RUNX3: variants seen among roughly 807,000 people sequenced by gnomAD.
The protein encoded by RUNX3 is RUNX family transcription factor 3.
RUNX3 carries 10 observed loss-of-function variants against 27.7 expected under a neutral mutation model. The observed-to-expected ratio is 0.36, with a 90% CI of 0.22 to 0.61. RUNX3 has a LOEUF of 0.61. RUNX3 is among the 20% of genes least tolerant of loss of function. The pLI, the probability that RUNX3 is intolerant of heterozygous loss-of-function variation, is 0.72. For synonymous variants in RUNX3, 270 were observed against 269.2 expected (o/e 1.00, Z -0.03); for missense variants, 469 against 629.5 (o/e 0.75, Z 2.73).
intron 2 of RUNX3, among the ~76,000 whole-genome samples, chr1:24,945,946 A>T (rs1218557862): frequency 6.6e-6 from 1 of 151,976 alleles, no homozygotes; most frequent in African/African-American, 2.4e-5. Context: ...ACGTTCCCTG[A>T]CTGTGACCTC....
At chr1:24,903,895 C>T (rs570375218) in intron 4 of RUNX3, among the ~76,000 whole-genome samples, 18 of 152,310 alleles carry the variant, frequency 1.2e-4, no homozygotes, top group East Asian at 3.9e-4. Flanking sequence ...AAACATGAGA[C>T]GATAACAGTT....
In RUNX3 at chr1:24,930,248, C is replaced by A; in HGVS notation, c.-380G>T. On this transcript the variant is annotated 5_prime_UTR_variant, in exon 1 of 5. Transcript: ENST00000308873. This position sits in a 1 kb window ranked among gnomAD's most constrained non-coding sequence, Gnocchi z 4.1. ...CCGCCCCGACTCCGCGGCCGCAGCC[C>A]CAGAACAAATCCTCCAGAATCAAGT... 1 of 983,468 alleles carries A rather than the reference C, an allele frequency of 1.0e-6. No individual in the cohort carries two copies. Among genetic ancestry groups the A allele is most frequent in the Non-Finnish European group, 1.2e-6 (1 of 829,060 alleles). 60.9% of individuals were successfully genotyped at this position (983,468 alleles called of 1,614,324 possible).
intron 2 of RUNX3, among the ~76,000 whole-genome samples, chr1:24,949,758 C>T (rs1424808904): frequency 6.6e-6 from 1 of 152,272 alleles, no homozygotes; most frequent in Admixed American, 6.5e-5. Context: ...CCCACCACCT[C>T]TGGCCTGCCA....
intron 1 of RUNX3, chr1:24,929,377 C>T (rs1641165822): frequency 1.4e-6 from 1 of 704,224 alleles, no homozygotes; most frequent in South Asian, 1.5e-5. Context: ...GCGGGGCAAC[C>T]CCGTTAAAAG....
At chr1:24,947,054 C>G (rs912344385) in intron 2 of RUNX3, among the ~76,000 whole-genome samples, 3 of 152,050 alleles carry the variant, frequency 2.0e-5, no homozygotes, top group Non-Finnish European at 4.4e-5. Context: ...ATAATTAACC[C>G]ACGGAGCTCA....
chr1:24,911,799 C>T (rs1025758600), intron 3 of RUNX3, among the ~76,000 whole-genome samples: 7 of 152,292 alleles, frequency 4.6e-5, no homozygotes, highest in African/African-American at 4.8e-5. Context: ...ACCATGAGAC[C>T]GACGCTGAGC....
chr1:24,935,045 C>T (rs1034311883), upstream of RUNX3, among the ~76,000 whole-genome samples: 1 of 152,188 alleles, frequency 6.6e-6, no homozygotes, highest in Non-Finnish European at 1.5e-5. Context: ...CCCCAGTTTA[C>T]AGATGGGAAC....
intron 3 of RUNX3, among the ~76,000 whole-genome samples, chr1:24,912,284 C>T (rs938270963): frequency 1.3e-5 from 2 of 152,160 alleles, no homozygotes; most frequent in South Asian, 2.1e-4. Context: ...AAAGATCAGC[C>T]GCTGGTCAGA....
intron 2 of RUNX3, among the ~76,000 whole-genome samples, chr1:24,939,038 T>C (rs1641413671): frequency 6.6e-6 from 1 of 152,168 alleles, no homozygotes; most frequent in African/African-American, 2.4e-5. Context: ...CCAATCGCAT[T>C]TGGGCTGTGT....
In RUNX3 at chr1:24,901,617, T is replaced by C. The variant is rs55825240; in HGVS notation, c.*505A>G. On this transcript the variant is annotated 3_prime_UTR_variant, in exon 5 of 5. Transcript: ENST00000308873. ...CGAGGGTGGTGGGGGTGGGGGACAC[T>C]TTCCAGTTCTGACTCAAATCTGTGT... The C allele has an allele frequency of 6.5e-6, 1 of 155,000 alleles. No homozygotes were observed. Among genetic ancestry groups the C allele is most frequent in the African/African-American group, 2.4e-5 (1 of 41,344 alleles). 9.6% of individuals were successfully genotyped at this position (155,000 alleles called of 1,614,324 possible). A position where few individuals can be genotyped will look rare whatever the true frequency, so the allele number is the denominator to read the frequency against.
chr1:24,900,406 C>T lies in RUNX3; in HGVS notation c.*1716G>A, dbSNP rs1640514259. ...CATTTTGTAGGGCAGATTTCTGCATCCACAGAGGCCGAGGCAGAAAGTTAA... is the reference window on the plus strand; with the variant it reads ...CATTTTGTAGGGCAGATTTCTGCATTCACAGAGGCCGAGGCAGAAAGTTAA... On this transcript the variant is annotated 3_prime_UTR_variant, in exon 5 of 5. Transcript: ENST00000308873. The T allele has an allele frequency of 6.6e-6, 1 of 152,382 alleles. No homozygotes were observed. Among genetic ancestry groups the T allele is most frequent in the African/African-American group, 2.4e-5 (1 of 41,452 alleles). 9.4% of individuals were successfully genotyped at this position (152,382 alleles called of 1,614,324 possible).
Position 24,902,038 on chromosome 1 carries a change from G to T in RUNX3, c.*84C>A. The stretch of plus-strand genomic sequence containing the variant: ...ACCCTGGAGCGCAGGTCCCATTCCC[G>T]CCCGGAGCCTCGGAGCCGGCCCATC... On this transcript the variant is annotated 3_prime_UTR_variant, in exon 5 of 5. Transcript: ENST00000308873. This position sits in a 1 kb window ranked among gnomAD's most constrained non-coding sequence, Gnocchi z 9.2. 1 of 1,322,958 alleles carries T rather than the reference G, an allele frequency of 7.6e-7. No individual in the cohort carries two copies. The allele number at this position is 1,322,958 out of a possible 1,614,324, so 82.0% of individuals were successfully genotyped here.
At position 24,962,544 on chromosome 1, in the gene RUNX3, C is replaced by G. The variant is rs567363831; in HGVS notation, c.58+1970G>C. On this transcript the variant is annotated intron_variant, in intron 2 of 6. Coordinates refer to the RUNX3 transcript ENST00000338888. This position sits in a 1 kb window ranked among gnomAD's most constrained non-coding sequence, Gnocchi z 4.5. ...GGGAGACAGGCCCCCATGGCGAGCA[C>G]GTCGTGAGCAGAAATGAACAGGAGA... Among the ~76,000 whole-genome samples, 1 of 152,158 alleles carries G rather than the reference C, an allele frequency of 6.6e-6. No individual in the cohort carries two copies. Among genetic ancestry groups the G allele is most frequent in the Non-Finnish European group, 1.5e-5 (1 of 68,024 alleles).
At chr1:24,960,887 T>G (rs1056093237) in intron 2 of RUNX3, among the ~76,000 whole-genome samples, 1 of 152,158 alleles carries the variant, frequency 6.6e-6, no homozygotes, top group Non-Finnish European at 1.5e-5. Flanking sequence ...CTTCCCCATT[T>G]GTCACACAGG....
intron 2 of RUNX3, among the ~76,000 whole-genome samples, chr1:24,951,707 TA>T (rs2124364124): frequency 6.6e-6 from 1 of 152,328 alleles, no homozygotes; most frequent in African/African-American, 2.4e-5. Flanking sequence ...AAACGTCCAT[TA>T]ATTCATAGCT....
At chr1:24,956,269 C>T (rs899658070) in intron 2 of RUNX3, among the ~76,000 whole-genome samples, 1 of 152,238 alleles carries the variant, frequency 6.6e-6, no homozygotes, top group African/African-American at 2.4e-5. Flanking sequence ...CTGCCTCTTC[C>T]TCTTTCTTTC....
At chr1:24,907,763 C>T (rs1301865921) in intron 3 of RUNX3, among the ~76,000 whole-genome samples, 3 of 151,344 alleles carry the variant, frequency 2.0e-5, no homozygotes, top group African/African-American at 4.9e-5. Context: ...CTCTACAACA[C>T]GCGGTGATCT....
chr1:24,929,809 G>C lies in RUNX3; in HGVS notation c.60C>G (p.Phe20Leu). ...SRRFTPPSPA[F>L]PCGGGGGKMG... Reference sequence around the variant, plus strand: ...TCTTGCCGCCGCCGCCGCCGCAGGGGAAGGCCGGGGAGGGAGGTGTGAAGC... The same window carrying C: ...TCTTGCCGCCGCCGCCGCCGCAGGGCAAGGCCGGGGAGGGAGGTGTGAAGC... The change falls in exon 1 of 5, where the codon TTC becomes TTG. Residue 20 changes from phenylalanine to leucine, a missense_variant. This residue lies in a region of RUNX3 where 115 missense variants were observed against 118.0 expected (regional missense o/e 0.97). Coordinates refer to ENST00000308873, the MANE Select transcript of RUNX3 (RefSeq NM_004350.3). 2.1e-6 allele frequency: 3 copies of C among 1,416,456 alleles called. No individual in the cohort carries two copies. The highest frequency in any genetic ancestry group is 2.7e-6 in the Non-Finnish European group (3 of 1,094,744). 87.7% of individuals were successfully genotyped at this position (1,416,456 alleles called of 1,614,324 possible). A position where few individuals can be genotyped will look rare whatever the true frequency, so the allele number is the denominator to read the frequency against.
rs1342342614 is a variant in RUNX3 at position 24,901,839 on chromosome 1, G to T, written c.*283C>A. ...GGAGACAGTGAGGTCCTTCCGGGGG[G>T]GTGGCAGGAGGCTGATTCCCCACAG... On this transcript the variant is annotated 3_prime_UTR_variant, in exon 5 of 5. Transcript: ENST00000308873. 3.3e-5 allele frequency: 15 copies of T among 448,338 alleles called. No homozygotes were observed. Among genetic ancestry groups the T allele is most frequent in the African/African-American group, 2.4e-4 (12 of 50,810 alleles). 27.8% of individuals were successfully genotyped at this position (448,338 alleles called of 1,614,324 possible). A position where few individuals can be genotyped will look rare whatever the true frequency, so the allele number is the denominator to read the frequency against.
Sources: gnomAD v4.1 joint callset for allele counts (sites outside exome capture counted in the v4.1 genomes callset) on GRCh38, gnomAD v4.1.1 for gene constraint, gnomAD v4.1.1 regional missense constraint, Gnocchi (gnomAD v3.1) non-coding constraint, MANE v1.5 for transcripts, NCBI Gene and HGNC (gene_info 2026-07-23, HGNC 2026-07-21) for gene names.